The following MBNL1 variants were observed in gnomAD, a reference collection of about 807,000 sequenced individuals.
MBNL1 encodes muscleblind like splicing regulator 1, also known as muscleblind-like protein 1.
A neutral mutation model predicts 42.2 loss-of-function variants in MBNL1; 8 were observed. That is an observed-to-expected ratio of 0.19 (90% confidence interval 0.11 to 0.34). MBNL1 has a LOEUF of 0.34. Ranked by LOEUF, MBNL1 falls within the 10% of genes least tolerant of loss-of-function variation. The probability of loss-of-function intolerance (pLI) is 1.00; values close to 1 mark genes in which losing one functional copy is unlikely to be tolerated. For missense variants in MBNL1, 309 were observed against 495.3 expected (o/e 0.62, Z 3.57); for synonymous variants, 169 against 173.9 (o/e 0.97, Z 0.22).
intron 3 of MBNL1, among the ~76,000 whole-genome samples, chr3:152,430,915 A>G (rs1358487459): frequency 6.6e-6 from 1 of 152,268 alleles, no homozygotes; most frequent in Non-Finnish European, 1.5e-5. Flanking sequence ...GCAGCTAAAC[A>G]TGGCATTCAA....
At chr3:152,426,384 T>G (rs948590610) in intron 3 of MBNL1, among the ~76,000 whole-genome samples, 1 of 152,164 alleles carries the variant, frequency 6.6e-6, no homozygotes, top group Non-Finnish European at 1.5e-5. Context: ...AAATAAAACT[T>G]CTGGATTCTT....
chr3:152,301,710 C>A (rs973897639), intron 2 of MBNL1, among the ~76,000 whole-genome samples: 1 of 152,122 alleles, frequency 6.6e-6, no homozygotes, highest in Non-Finnish European at 1.5e-5. Flanking sequence ...TCACCCTTTC[C>A]TTTGAGAGGC....
At chr3:152,419,473 G>T (rs2098761669) in intron 3 of MBNL1, among the ~76,000 whole-genome samples, 1 of 152,074 alleles carries the variant, frequency 6.6e-6, no homozygotes, top group Non-Finnish European at 1.5e-5. Context: ...AGTGCAAGGG[G>T]TCAGGGAACT....
At chr3:152,391,267 C>T (rs1009570928) in intron 2 of MBNL1, among the ~76,000 whole-genome samples, 3 of 152,210 alleles carry the variant, frequency 2.0e-5, no homozygotes, top group African/African-American at 7.2e-5. Context: ...TAATATTACA[C>T]ATTAAGTTGC....
rs529405460 is a variant in MBNL1, at chr3:152,340,565, C to A, written c.174+40198C>A. 7 of 1,613,146 alleles carry A rather than the reference C, an allele frequency of 4.3e-6. No individual in the cohort carries two copies. In the East Asian group the frequency reaches 1.3e-4, roughly 31 times the overall value. ...AGTCCAAGCTGAGACATAGCTACAA[C>A]TGACAGGATCTGTTCACCATACATA... On this transcript the variant is annotated intron_variant, in intron 2 of 9. Transcript: ENST00000324210.
chr3:152,291,297 T>C (rs1244251856), intron 1 of MBNL1, among the ~76,000 whole-genome samples: 2 of 152,224 alleles, frequency 1.3e-5, no homozygotes, highest in Non-Finnish European at 2.9e-5. Flanking sequence ...CAGATAATTA[T>C]TTAAATATTT....
intron 4 of MBNL1, among the ~76,000 whole-genome samples, chr3:152,443,983 A>G (rs1234275457): frequency 2.0e-5 from 3 of 152,168 alleles, no homozygotes; most frequent in Non-Finnish European, 2.9e-5. Context: ...GGATATGAAT[A>G]TAATGTGGGA....
intron 2 of MBNL1, among the ~76,000 whole-genome samples, chr3:152,369,678 C>T (rs1265695887): frequency 6.6e-6 from 1 of 152,134 alleles, no homozygotes; most frequent in South Asian, 2.1e-4. Context: ...ATTACTGCTT[C>T]AATTTCAGAA....
intron 2 of MBNL1, among the ~76,000 whole-genome samples, chr3:152,363,810 C>T (rs778136818): frequency 6.6e-6 from 1 of 152,006 alleles, no homozygotes; most frequent in African/African-American, 2.4e-5. Context: ...TATATCATTA[C>T]CTTATTTGAT....
chr3:152,270,796 TTTA>T lies in MBNL1; in HGVS notation c.-790+1718_-790+1720del, dbSNP rs959875725. On this transcript the variant is annotated intron_variant, in intron 1 of 9. Transcript: ENST00000324210. ...TTTTGTGTATTTGCATGGGAGTTAC[TTTA>T]TTATTATTATTATATTGTTAGGTCT... 4.6e-5 allele frequency among the ~76,000 whole-genome samples: 7 copies of T among 152,076 alleles called. No individual in the cohort carries two copies. In the South Asian group the frequency reaches 6.2e-4, roughly 14 times the overall value.
intron 3 of MBNL1, among the ~76,000 whole-genome samples, chr3:152,417,942 TTG>T (rs747748388): frequency 1.3e-5 from 2 of 152,180 alleles, no homozygotes; most frequent in Non-Finnish European, 2.9e-5. Context: ...TTCTCATAAA[TTG>T]TGAGTGACGA....
intron 2 of MBNL1, among the ~76,000 whole-genome samples, chr3:152,389,380 C>T (rs896156521): frequency 1.3e-5 from 2 of 152,190 alleles, no homozygotes; most frequent in African/African-American, 2.4e-5. Flanking sequence ...GTAGCACAGG[C>T]ATGAGCCACA....
intron 4 of MBNL1, among the ~76,000 whole-genome samples, chr3:152,433,142 G>GT (rs2099028179): frequency 6.6e-6 from 1 of 152,230 alleles, no homozygotes; most frequent in Non-Finnish European, 1.5e-5. Context: ...TGGATAAGAG[G>GT]TTGGACGCTA....
intron 6 of MBNL1, among the ~76,000 whole-genome samples, chr3:152,448,228 T>C (rs1466626569): frequency 6.6e-6 from 1 of 152,188 alleles, no homozygotes; most frequent in Non-Finnish European, 1.5e-5. Flanking sequence ...AACTATGCGT[T>C]CTAGAGCTCT....
intron 2 of MBNL1, among the ~76,000 whole-genome samples, chr3:152,355,065 A>AT (rs199700040): frequency 2.8e-4 from 43 of 151,576 alleles, no homozygotes; most frequent in Middle Eastern, 3.5e-3. Context: ...AGAGCTTGGC[A>AT]TTTTTTTTTA....
At chr3:152,398,909 A>G (rs189771317) in intron 2 of MBNL1, among the ~76,000 whole-genome samples, 1 of 152,290 alleles carries the variant, frequency 6.6e-6, no homozygotes, top group East Asian at 1.9e-4. Flanking sequence ...TCCTCTACCT[A>G]GATATCTTTT....
At chr3:152,456,510 C>A in intron 8 of MBNL1, 149 bp downstream of exon 8, 1 of 656,042 alleles carries the variant, frequency 1.5e-6, no homozygotes, top group East Asian at 2.7e-5. Context: ...CATGGGGTTT[C>A]AAAGATACCT....
At chr3:152,383,938 C>A (rs1241370466) in intron 2 of MBNL1, among the ~76,000 whole-genome samples, 4 of 151,926 alleles carry the variant, frequency 2.6e-5, no homozygotes, top group Non-Finnish European at 4.4e-5. Context: ...AAATTCATAC[C>A]ATTAAAGGGA....
chr3:152,265,986 G>C (rs1464487347), upstream of MBNL1: 1 of 152,184 alleles, frequency 6.6e-6, no homozygotes, highest in Non-Finnish European at 1.5e-5. Context: ...TGGTTAGGAT[G>C]CTACTGGCAG....
Sources: gnomAD v4.1 joint callset for allele counts (sites outside exome capture counted in the v4.1 genomes callset) on GRCh38, gnomAD v4.1.1 for gene constraint, MANE v1.5 for transcripts, NCBI Gene and HGNC (gene_info 2026-07-23, HGNC 2026-07-21) for gene names.